Variants in TRIM42 observed in about 807,000 individuals in gnomAD.
TRIM42 encodes the protein tripartite motif-containing protein 42.
TRIM42 carries 59 observed loss-of-function variants against 64.9 expected under a neutral mutation model. The ratio of observed to expected loss-of-function variants is 0.91; its 90% CI spans 0.74 to 1.13. The LOEUF is 1.13. Ranked by LOEUF, TRIM42 falls within the 50% of genes most tolerant of loss-of-function variation. The pLI, the probability that TRIM42 is intolerant of heterozygous loss-of-function variation, is 0.00. For synonymous variants in TRIM42, 354 were observed against 346.3 expected, an observed-to-expected ratio of 1.02 and a Z score of -0.25; for missense variants, 878 against 929.5, an observed-to-expected ratio of 0.94 and a Z score of 0.72.
rs747947889 is a variant in TRIM42, at chr3:140,701,132, A to G, written c.*158A>G. ...TTCCAACAGGAATCTTGTAAGAGCT[A>G]ATAAAAGGAAATACCTGACATGGCT... is the stretch of plus-strand genomic sequence containing the variant. On this transcript the variant is annotated 3_prime_UTR_variant, in exon 5 of 5. Coordinates refer to ENST00000286349, the MANE Select transcript of TRIM42 (RefSeq NM_152616.5). 15 of 577,858 alleles carry G rather than the reference A, an allele frequency of 2.6e-5. No individual in the cohort carries two copies. Among genetic ancestry groups the G allele is most frequent in the Non-Finnish European group, 4.2e-5 (14 of 332,768 alleles). 35.8% of individuals were successfully genotyped at this position (577,858 alleles called of 1,614,324 possible). A position where few individuals can be genotyped will look rare whatever the true frequency, so the allele number is the denominator to read the frequency against.
chr3:140,694,879 C>T (rs150085063), intron 4 of TRIM42, among the ~76,000 whole-genome samples: 55 of 152,290 alleles, frequency 3.6e-4, no homozygotes, highest in South Asian at 1.2e-3. Flanking sequence ...TGTTCCACCT[C>T]CATCTTCCAC....
chr3:140,687,153 T>A (rs1988563847), intron 2 of TRIM42, among the ~76,000 whole-genome samples: 1 of 151,956 alleles, frequency 6.6e-6, no homozygotes, highest in South Asian at 2.1e-4. Context: ...AGAAGTGACA[T>A]AGCTGAACCA....
chr3:140,683,137 C>T lies in TRIM42; in HGVS notation c.1017C>T (p.Ser339=), dbSNP rs779021255. ...CCGAGAGGGCCGCCTCACTCTTCAG[C>T]GCCATCGCCAAGTTCAAAGCAGGTC... The part of the protein sequence containing the change: ...ACSERAASLF[S]AIAKFKAVRY... The change falls in exon 2 of 5, where the codon AGC becomes AGT. Residue 339 remains serine (S), a synonymous_variant. Coordinates refer to ENST00000286349, the MANE Select transcript of TRIM42 (RefSeq NM_152616.5). 1.2e-6 allele frequency: 2 copies of T among 1,614,176 alleles called. No homozygotes were observed.
chr3:140,692,729 G>A (rs1469949968), intron 4 of TRIM42, among the ~76,000 whole-genome samples: 1 of 152,144 alleles, frequency 6.6e-6, no homozygotes, highest in African/African-American at 2.4e-5. Context: ...TCAGAGCATG[G>A]AATGCCCGTG....
In TRIM42 at chr3:140,678,065, G is replaced by A. The variant is rs1046167579; in HGVS notation, c.-165G>A. On this transcript the variant is annotated 5_prime_UTR_variant, in exon 1 of 5. Transcript: ENST00000286349. ...ATGCCAGCCTATGAGCTTCCTGGTA[G>A]GGACACCAGCTGTGAAGTCCTCATA... 13 of 644,040 alleles carry A rather than the reference G, an allele frequency of 2.0e-5. No individual in the cohort carries two copies. The highest frequency in any genetic ancestry group is 3.6e-5 in the Non-Finnish European group (13 of 359,016). The allele number at this position is 644,040 out of a possible 1,614,324, so 39.9% of individuals were successfully genotyped here. A position where few individuals can be genotyped will look rare whatever the true frequency, so the allele number is the denominator to read the frequency against.
rs960988885 is a variant in TRIM42 at position 140,688,424 on chromosome 3, G to A, written c.1742G>A (p.Ser581Asn). Residue 581 changes from serine to asparagine, a missense_variant, in exon 3 of 5, where the codon AGC becomes AAC. Physicochemically the swap from Ser to Asn is conservative, Grantham distance 46 (BLOSUM62 1). Transcript: ENST00000286349. ...LYTYWSAGAD[S>N]QSVQNSSSFH... ...ACCTACTGGAGTGCTGGAGCAGACA[G>A]CCAGTCTGTACAGAACAGCAGCAGC... The A allele has an allele frequency of 6.2e-7, 1 of 1,613,632 alleles. No individual in the cohort carries two copies.
chr3:140,700,825 A>G (rs915177393), intron 4 of TRIM42, 63 bp from the exon 5 acceptor site: 3 of 1,479,166 alleles, frequency 2.0e-6, no homozygotes, highest in Non-Finnish European at 2.8e-6. Context: ...GACATGCAGA[A>G]GGGCCCAGGC....
chr3:140,687,956 G>A lies in TRIM42; in HGVS notation c.1274G>A (p.Gly425Asp), dbSNP rs767930285. 6.2e-7 allele frequency: 1 copy of A among 1,614,176 alleles called. No individual in the cohort carries two copies. The highest frequency in any genetic ancestry group is 8.5e-7 in the Non-Finnish European group (1 of 1,180,028). Residue 425 changes from glycine (G) to aspartate (D), a missense_variant, in exon 3 of 5, where the codon GGT (glycine) becomes GAT (aspartate). By Grantham distance (94) the Gly-to-Asp change is moderately conservative. Coordinates refer to ENST00000286349, the MANE Select transcript of TRIM42 (RefSeq NM_152616.5). ...VTTMKVNEMD[G>D]LIAYSKEALK... Reference sequence around the variant, plus strand: ...ACCATGAAAGTGAACGAGATGGATGGTCTGATCGCCTACTCCAAGGAAGCC... The same window carrying A: ...ACCATGAAAGTGAACGAGATGGATGATCTGATCGCCTACTCCAAGGAAGCC...
intron 3 of TRIM42, among the ~76,000 whole-genome samples, chr3:140,688,958 T>C (rs1988636831): frequency 6.6e-6 from 1 of 152,228 alleles, no homozygotes; most frequent in African/African-American, 2.4e-5. Flanking sequence ...CTATCAGCTG[T>C]TTCCGTTAAA....
chr3:140,699,285 AT>A (rs1988932868), intron 4 of TRIM42, among the ~76,000 whole-genome samples: 1 of 152,086 alleles, frequency 6.6e-6, no homozygotes, highest in African/African-American at 2.4e-5. Flanking sequence ...ATTGGGCTCA[AT>A]TTTTTGCTTA....
intron 4 of TRIM42, among the ~76,000 whole-genome samples, chr3:140,691,421 G>A (rs1988712424): frequency 6.6e-6 from 1 of 152,196 alleles, no homozygotes; most frequent in Non-Finnish European, 1.5e-5. Flanking sequence ...TCTAGGCATT[G>A]TGTACAGATG....
At chr3:140,688,563 A>G in intron 3 of TRIM42, 21 bp downstream of exon 3, 4 of 1,571,398 alleles carry the variant, frequency 2.5e-6, no homozygotes, top group Non-Finnish European at 3.5e-6. Flanking sequence ...TTCTGGGCCC[A>G]GTGGGGAAGT....
At chr3:140,698,856 A>C (rs1321036576) in intron 4 of TRIM42, among the ~76,000 whole-genome samples, 2 of 152,070 alleles carry the variant, frequency 1.3e-5, no homozygotes, top group Non-Finnish European at 1.5e-5. Context: ...CAATTCTCAC[A>C]ATTCTATTTC....
chr3:140,683,555 T>C (rs1391770507), intron 2 of TRIM42, among the ~76,000 whole-genome samples: 1 of 152,226 alleles, frequency 6.6e-6, no homozygotes, highest in Non-Finnish European at 1.5e-5. Flanking sequence ...AAGACTTTGA[T>C]CCTATAGTAT....
chr3:140,696,509 G>A (rs1437356865), intron 4 of TRIM42, among the ~76,000 whole-genome samples: 1 of 152,176 alleles, frequency 6.6e-6, no homozygotes. Context: ...GGACACCATA[G>A]GTGTGTAAGC....
intron 1 of TRIM42, among the ~76,000 whole-genome samples, chr3:140,679,547 GAT>G (rs1988307440): frequency 6.6e-6 from 1 of 152,216 alleles, no homozygotes; most frequent in Non-Finnish European, 1.5e-5. Flanking sequence ...TCAGGGGAAA[GAT>G]ATTATCCATC....
chr3:140,681,270 G>A (rs780339559), intron 1 of TRIM42, among the ~76,000 whole-genome samples: 1 of 152,174 alleles, frequency 6.6e-6, no homozygotes, highest in Admixed American at 6.5e-5. Flanking sequence ...TCTCTCTACT[G>A]CAGACATTAG....
chr3:140,682,581 T>G lies in TRIM42; in HGVS notation c.461T>G (p.Leu154Arg). The change falls in exon 2 of 5, where the codon CTG becomes CGG. Residue 154 changes from leucine (L) to arginine (R), a missense_variant. By Grantham distance (102) the Leu-to-Arg change is moderately radical. Coordinates refer to ENST00000286349, the MANE Select transcript of TRIM42 (RefSeq NM_152616.5). The stretch of plus-strand genomic sequence containing the variant: ...TGCCCCATGTGCAGCCGGCTGCGCC[T>G]GCACTCATTCATGCTGCCCTGCAAC... ...LNCPMCSRLR[L>R]HSFMLPCNHS... is the part of the protein sequence containing the mutation. 1 of 1,614,222 alleles carries G rather than the reference T, an allele frequency of 6.2e-7. No homozygotes were observed. Among genetic ancestry groups the G allele is most frequent in the Non-Finnish European group, 8.5e-7 (1 of 1,180,036 alleles).
In TRIM42 at chr3:140,688,497, C is replaced by T; in HGVS notation, c.1815C>T (p.Gly605=). ...SFNDGSVKTP[G]PIVIYQTLVY... Reference sequence around the variant, plus strand: ...ACGATGGCTCTGTGAAGACCCCAGGCCCAATTGTTATCTACCAGACTCTGG... The same window carrying T: ...ACGATGGCTCTGTGAAGACCCCAGGTCCAATTGTTATCTACCAGACTCTGG... The change falls in exon 3 of 5, where the codon GGC becomes GGT. Residue 605 remains glycine (G), a synonymous_variant. Transcript: ENST00000286349. 6.2e-7 allele frequency: 1 copy of T among 1,613,850 alleles called. No individual in the cohort carries two copies. The highest frequency in any genetic ancestry group is 8.5e-7 in the Non-Finnish European group (1 of 1,179,846).
Sources: allele counts gnomAD v4.1 joint callset (sites outside exome capture counted in the v4.1 genomes callset), GRCh38; gene constraint gnomAD v4.1.1; transcripts MANE v1.5; gene names NCBI Gene and HGNC (gene_info 2026-07-23, HGNC 2026-07-21).